The following ANKRD12 variants were observed in gnomAD, a reference collection of about 807,000 sequenced individuals.
The protein encoded by ANKRD12 is ankyrin repeat domain-containing protein 12.
ANKRD12 carries 85 observed loss-of-function variants against 183.4 expected under a neutral mutation model. The ratio of observed to expected loss-of-function variants is 0.46; its 90% CI spans 0.39 to 0.56. The LOEUF (loss-of-function observed/expected upper bound fraction) is 0.56. Ranked by LOEUF, ANKRD12 falls within the 20% of genes least tolerant of loss-of-function variation. The pLI, the probability that ANKRD12 is intolerant of heterozygous loss-of-function variation, is 0.00. For missense variants in ANKRD12, 2,405 were observed against 2,357.1 expected (o/e 1.02, Z -0.42); for synonymous variants, 914 against 800.2 (o/e 1.14, Z -2.40).
intron 11 of ANKRD12, 76 bp downstream of exon 11, chr18:9,275,743 A>G (rs752590265): frequency 5.1e-5 from 70 of 1,365,712 alleles, no homozygotes; most frequent in Middle Eastern, 2.6e-4. Context: ...ATCTATTTCC[A>G]TAGAAAGAAC....
intron 10 of ANKRD12, among the ~76,000 whole-genome samples, chr18:9,270,668 A>T (rs1035299089): frequency 2.0e-5 from 3 of 152,202 alleles, no homozygotes; most frequent in Non-Finnish European, 4.4e-5. Flanking sequence ...CTAATATTAA[A>T]TGATGAGTTC....
intron 7 of ANKRD12, among the ~76,000 whole-genome samples, chr18:9,219,981 T>C (rs967091710): frequency 6.6e-6 from 1 of 152,186 alleles, no homozygotes; most frequent in Admixed American, 6.5e-5. Context: ...GGAAACCTAG[T>C]TGATCTTTTA....
At chr18:9,182,684 G>A (rs905110737) in intron 2 of ANKRD12, among the ~76,000 whole-genome samples, 165 bp downstream of exon 2, 2 of 152,152 alleles carry the variant, frequency 1.3e-5, no homozygotes, top group African/African-American at 4.8e-5. Flanking sequence ...GGAAGTGATT[G>A]TTTATCATTC....
chr18:9,170,733 T>C (rs1018877538), intron 1 of ANKRD12, among the ~76,000 whole-genome samples: 3 of 152,234 alleles, frequency 2.0e-5, no homozygotes, highest in African/African-American at 7.2e-5. Flanking sequence ...TCCAGCTTTG[T>C]TCCATTGCTG....
intron 3 of ANKRD12, among the ~76,000 whole-genome samples, chr18:9,195,991 TAAGG>T (rs2034760392): frequency 6.6e-6 from 1 of 151,996 alleles, no homozygotes; most frequent in South Asian, 2.1e-4. Flanking sequence ...TACTCAGTGA[TAAGG>T]AAGCATTGGG....
At chr18:9,147,921 T>C (rs2078547337) in intron 1 of ANKRD12, among the ~76,000 whole-genome samples, 1 of 152,208 alleles carries the variant, frequency 6.6e-6, no homozygotes, top group Non-Finnish European at 1.5e-5. Context: ...ACCATTTTGC[T>C]AGAAGAGAAA....
intron 9 of ANKRD12, among the ~76,000 whole-genome samples, chr18:9,262,173 T>G (rs2039009053): frequency 6.6e-6 from 1 of 152,200 alleles, no homozygotes; most frequent in Admixed American, 6.5e-5. Context: ...CAGGTGTGAT[T>G]TTTGTCAAGA....
In ANKRD12 at chr18:9,179,929, C is replaced by T. The variant is rs73392363; in HGVS notation, c.-51-2453C>T. The stretch of plus-strand genomic sequence containing the variant: ...CCTATCTTGGGGAGTATTCTGTGTG[C>T]TCTTGAAAGAGTATTCTGTTGTTGA... On this transcript the variant is annotated intron_variant, in intron 1 of 12. Coordinates refer to ENST00000262126, the MANE Select transcript of ANKRD12 (RefSeq NM_015208.5). 4.0e-3 allele frequency among the ~76,000 whole-genome samples: 607 copies of T among 152,296 alleles called. 3 individuals carry two copies. Among genetic ancestry groups the T allele is most frequent in the African/African-American group, 0.014 (573 of 41,564 alleles).
At chr18:9,146,152 A>G (rs918174088) in intron 1 of ANKRD12, among the ~76,000 whole-genome samples, 13 of 152,356 alleles carry the variant, frequency 8.5e-5, no homozygotes, top group Admixed American at 3.3e-4. Flanking sequence ...GTTATTTTTT[A>G]TAATGTAATT....
chr18:9,278,391 T>C (rs2039953988), intron 11 of ANKRD12, among the ~76,000 whole-genome samples: 1 of 152,138 alleles, frequency 6.6e-6, no homozygotes, highest in Non-Finnish European at 1.5e-5. Context: ...GCACCTGAAA[T>C]GTGGTAAAGA....
intron 2 of ANKRD12, among the ~76,000 whole-genome samples, chr18:9,192,462 A>G (rs1226076564): frequency 2.0e-5 from 3 of 152,132 alleles, no homozygotes; most frequent in Non-Finnish European, 4.4e-5. Flanking sequence ...TTTTGCATTT[A>G]AGTTCATAAG....
At chr18:9,148,922 C>T (rs972789261) in intron 1 of ANKRD12, among the ~76,000 whole-genome samples, 1 of 152,132 alleles carries the variant, frequency 6.6e-6, no homozygotes, top group Admixed American at 6.5e-5. Context: ...ATTTTCTGTC[C>T]CACTCTGCTT....
intron 6 of ANKRD12, 127 bp from the exon 7 acceptor site, chr18:9,216,628 TTCA>T (rs895342163): frequency 9.4e-6 from 8 of 849,236 alleles, no homozygotes; most frequent in Admixed American, 2.9e-5. Context: ...TAGTAGCTTC[TTCA>T]TCACTCCTTT....
intron 1 of ANKRD12, among the ~76,000 whole-genome samples, chr18:9,160,234 G>A (rs1043252720): frequency 1.3e-5 from 2 of 152,172 alleles, no homozygotes; most frequent in Non-Finnish European, 2.9e-5. Context: ...TCCCACTTCA[G>A]CCTTCTGAGT....
intron 1 of ANKRD12, among the ~76,000 whole-genome samples, chr18:9,163,959 T>C (rs1315796437): frequency 6.6e-6 from 1 of 152,174 alleles, no homozygotes; most frequent in African/African-American, 2.4e-5. Flanking sequence ...AGATATAGGA[T>C]CATGTCTTCT....
chr18:9,162,532 A>G (rs1295208176), intron 1 of ANKRD12, among the ~76,000 whole-genome samples: 1 of 152,114 alleles, frequency 6.6e-6, no homozygotes, highest in Non-Finnish European at 1.5e-5. Flanking sequence ...TATCTTTGTA[A>G]TAGAATGATT....
intron 2 of ANKRD12, among the ~76,000 whole-genome samples, chr18:9,194,332 T>G (rs1478437467): frequency 1.1e-4 from 1 of 9,250 alleles, no homozygotes; most frequent in African/African-American, 2.1e-4. Flanking sequence ...GATAATTTTA[T>G]TTATTTATTT....
rs773150178 is a variant in ANKRD12, at chr18:9,208,818, CATT to C, written c.451+16_451+18del. On this transcript the variant is annotated intron_variant, in intron 5 of 12. Transcript: ENST00000262126. The stretch of plus-strand genomic sequence containing the variant: ...CAACAGTCCAGGTGATACCTACCAT[CATT>C]GAGTTAATGTGTATCCCTAGTTTTC... The C allele has an allele frequency of 4.1e-5, 62 of 1,528,750 alleles. 1 individual carries two copies. The Admixed American group carries it at 4.8e-4, about 12-fold the overall frequency. 94.7% of individuals were successfully genotyped at this position (1,528,750 alleles called of 1,614,324 possible).
At position 9,211,564 on chromosome 18, in the gene ANKRD12, A is replaced by G; in HGVS notation, c.452-20A>G. On this transcript the variant is annotated intron_variant, in intron 5 of 12. Transcript: ENST00000262126. ...GAATATTTAGCCTAGAACTTCTGCT[A>G]ACTTTCTTCTTTCTTACAGATTCCA... is the stretch of plus-strand genomic sequence containing the variant. 2 of 1,607,744 alleles carry G rather than the reference A, an allele frequency of 1.2e-6. No homozygotes were observed. The highest frequency in any genetic ancestry group is 4.5e-5 in the East Asian group (2 of 44,808).
Sources: allele counts gnomAD v4.1 joint callset (sites outside exome capture counted in the v4.1 genomes callset), GRCh38; gene constraint gnomAD v4.1.1; transcripts MANE v1.5; gene names NCBI Gene and HGNC (gene_info 2026-07-23, HGNC 2026-07-21).